The following NRG3 variants were observed in gnomAD, a reference collection of about 807,000 sequenced individuals.
NRG3 encodes the protein pro-neuregulin-3, membrane-bound isoform.
In NRG3, 31 loss-of-function variants were observed where a neutral mutation model predicts 66.9. That is an observed-to-expected ratio of 0.46 (90% CI 0.35 to 0.63). The LOEUF is 0.63. Among genes scored for constraint, NRG3 ranks in the 20% least tolerant of loss-of-function variants. NRG3 has a pLI of 0.00. For missense variants in NRG3, 910 were observed against 878.9 expected, an observed-to-expected ratio of 1.04 and a Z score of -0.45; for synonymous variants, 393 against 359.4, an observed-to-expected ratio of 1.09 and a Z score of -1.06.
intron 1 of NRG3, among the ~76,000 whole-genome samples, chr10:82,069,277 C>T (rs193187321): frequency 2.4e-3 from 369 of 152,270 alleles, no homozygotes; most frequent in Non-Finnish European, 4.3e-3. Context: ...CCTCAGAGAA[C>T]TGCATGCACG....
intron 1 of NRG3, among the ~76,000 whole-genome samples, chr10:82,259,330 C>A (rs2077898497): frequency 6.6e-6 from 1 of 152,040 alleles, no homozygotes; most frequent in Admixed American, 6.6e-5. Context: ...TGTTAGCATA[C>A]ATTTGACAAG....
chr10:81,910,854 T>C (rs1238230213), intron 1 of NRG3, among the ~76,000 whole-genome samples: 1 of 152,084 alleles, frequency 6.6e-6, no homozygotes, highest in Non-Finnish European at 1.5e-5. Context: ...GAAAGAATCT[T>C]GCAATGTTGC....
intron 3 of NRG3, among the ~76,000 whole-genome samples, chr10:82,777,772 C>T (rs1281073206): frequency 1.3e-5 from 2 of 152,234 alleles, no homozygotes; most frequent in African/African-American, 2.4e-5. Flanking sequence ...TGGCTCCGGA[C>T]CCTGGAGTGC....
chr10:82,062,604 CA>C (rs34824198), intron 1 of NRG3, among the ~76,000 whole-genome samples: 13 of 143,252 alleles, frequency 9.1e-5, no homozygotes, highest in Non-Finnish European at 1.2e-4. Context: ...GACTCCATCT[CA>C]AAAAAAAAAG....
At chr10:82,542,685 A>G (rs1177750556) in intron 2 of NRG3, among the ~76,000 whole-genome samples, 1 of 152,200 alleles carries the variant, frequency 6.6e-6, no homozygotes, top group Admixed American at 6.5e-5. Context: ...AGGAAAACAG[A>G]GCATCACTCT....
intron 1 of NRG3, among the ~76,000 whole-genome samples, chr10:82,353,358 G>A (rs868737884): frequency 4.6e-5 from 7 of 152,236 alleles, no homozygotes; most frequent in East Asian, 1.9e-4. Flanking sequence ...ACCAGTCATC[G>A]TTTCAATTCA....
At chr10:82,664,061 G>A (rs2052572936) in intron 2 of NRG3, among the ~76,000 whole-genome samples, 1 of 152,082 alleles carries the variant, frequency 6.6e-6, no homozygotes, top group African/African-American at 2.4e-5. Flanking sequence ...AAAGCCCCAG[G>A]CTTACAGTTT....
At chr10:81,979,438 T>C (rs1053450978) in intron 1 of NRG3, among the ~76,000 whole-genome samples, 1 of 152,180 alleles carries the variant, frequency 6.6e-6, no homozygotes, top group African/African-American at 2.4e-5. Flanking sequence ...CTGTTTCAAA[T>C]GAAGAGAAAT....
chr10:82,483,260 G>T (rs1244217298), intron 2 of NRG3, among the ~76,000 whole-genome samples: 1 of 152,168 alleles, frequency 6.6e-6, no homozygotes, highest in Non-Finnish European at 1.5e-5. Flanking sequence ...TTATGGAAAA[G>T]AAAACATGAT....
chr10:82,004,400 A>C (rs374048279), intron 1 of NRG3, among the ~76,000 whole-genome samples: 9 of 152,302 alleles, frequency 5.9e-5, no homozygotes, highest in African/African-American at 1.9e-4. Flanking sequence ...GGGAAAACCA[A>C]AGGTGTAAAG....
At chr10:81,955,371 A>T (rs1175322548) in intron 1 of NRG3, among the ~76,000 whole-genome samples, 3 of 152,008 alleles carry the variant, frequency 2.0e-5, no homozygotes, top group Admixed American at 2.0e-4. Context: ...ATCAGACAGG[A>T]GGAGCTGATG....
At chr10:82,532,621 A>G (rs1285173906) in intron 2 of NRG3, among the ~76,000 whole-genome samples, 1 of 148,622 alleles carries the variant, frequency 6.7e-6, no homozygotes, top group African/African-American at 2.5e-5. Context: ...AGTACTATAT[A>G]GAGAGAGTAC....
chr10:82,964,292 G>C (rs151264059), intron 6 of NRG3, among the ~76,000 whole-genome samples: 50 of 152,240 alleles, frequency 3.3e-4, no homozygotes, highest in African/African-American at 1.2e-3. Flanking sequence ...AGGCCTACAG[G>C]AAATAGTGAA....
At chr10:82,873,300 T>A (rs964678202) in intron 4 of NRG3, among the ~76,000 whole-genome samples, 2 of 152,130 alleles carry the variant, frequency 1.3e-5, no homozygotes, top group African/African-American at 2.4e-5. Flanking sequence ...TGATAGAAAA[T>A]CAGTAACCAA....
chr10:82,876,637 C>T (rs907932144), intron 4 of NRG3, among the ~76,000 whole-genome samples: 2 of 152,050 alleles, frequency 1.3e-5, no homozygotes, highest in Admixed American at 6.6e-5. Flanking sequence ...CTCAACTGCA[C>T]GTGAGTTGGT....
chr10:82,717,736 G>T (rs1228175137), intron 2 of NRG3, among the ~76,000 whole-genome samples: 1 of 152,066 alleles, frequency 6.6e-6, no homozygotes, highest in Non-Finnish European at 1.5e-5. Flanking sequence ...AAGCACAGCA[G>T]GTTTTAAGTA....
chr10:82,321,400 C>T (rs1414690720), intron 1 of NRG3, among the ~76,000 whole-genome samples: 2 of 152,154 alleles, frequency 1.3e-5, no homozygotes, highest in Non-Finnish European at 2.9e-5. Flanking sequence ...GCGTTGAGCA[C>T]CTTAAATACA....
At chr10:82,066,765 A>C (rs1246313130) in intron 1 of NRG3, among the ~76,000 whole-genome samples, 2 of 152,324 alleles carry the variant, frequency 1.3e-5, no homozygotes, top group Middle Eastern at 3.4e-3. Flanking sequence ...CATTGGGATC[A>C]GCCATATGTT....
Position 82,035,374 on chromosome 10 carries a change from T to C in NRG3, c.823+159211T>C, listed in dbSNP as rs191208732. Among the ~76,000 whole-genome samples, 345 of 152,274 alleles carry C rather than the reference T, an allele frequency of 2.3e-3. 1 individual carries two copies. The highest frequency in any genetic ancestry group is 8.0e-3 in the African/African-American group (331 of 41,572). Reference sequence around the variant, plus strand: ...TACACTGTGATTTTTTTTGCTGTTATTTTCTTCTTCACAGTGTATTTATTC... The same window carrying C: ...TACACTGTGATTTTTTTTGCTGTTACTTTCTTCTTCACAGTGTATTTATTC... On this transcript the variant is annotated intron_variant, in intron 1 of 8. Coordinates refer to ENST00000372141, the MANE Select transcript of NRG3 (RefSeq NM_001010848.4).
Sources: allele counts gnomAD v4.1 joint callset (sites outside exome capture counted in the v4.1 genomes callset), GRCh38; gene constraint gnomAD v4.1.1; transcripts MANE v1.5; gene names NCBI Gene and HGNC (gene_info 2026-07-23, HGNC 2026-07-21).